PLAAT1: variants seen among roughly 807,000 people sequenced by gnomAD.
The protein encoded by PLAAT1 is H-REV107 protein-related protein.
PLAAT1 carries 13 observed loss-of-function variants against 16.4 expected under a neutral mutation model. The observed-to-expected ratio is 0.79, with a 90% confidence interval of 0.52 to 1.26. The LOEUF (loss-of-function observed/expected upper bound fraction) is 1.26, where lower values mean the gene tolerates loss of function less well. PLAAT1 is among the 50% of genes most tolerant of loss of function. The probability of loss-of-function intolerance (pLI) is 0.00; values close to 1 mark genes in which losing one functional copy is unlikely to be tolerated. For synonymous variants in PLAAT1, 73 were observed against 78.4 expected, an observed-to-expected ratio of 0.93 and a Z score of 0.36; for missense variants, 218 against 207.8, an observed-to-expected ratio of 1.05 and a Z score of -0.30.
intron 2 of PLAAT1, among the ~76,000 whole-genome samples, chr3:193,260,023 A>G (rs766918242): frequency 1.3e-5 from 2 of 152,216 alleles, no homozygotes; most frequent in African/African-American, 2.4e-5. Flanking sequence ...GACCAAGGGA[A>G]CAGAATAGAG....
Position 193,270,657 on chromosome 3 carries a change from C to T in PLAAT1, c.459C>T (p.Phe153=). 6.2e-7 allele frequency: 1 copy of T among 1,613,778 alleles called. No homozygotes were observed. Among genetic ancestry groups the T allele is most frequent in the South Asian group, 1.1e-5 (1 of 91,054 alleles). Residue 153 remains phenylalanine (F), a synonymous_variant, in exon 4 of 4, where the codon TTC becomes TTT. Transcript: ENST00000264735. Reference sequence around the variant, plus strand: ...TTGTGACAGCTGCTGTTGGTGTCTTCTCATTCCTGGGCTTGTTTCCAAAAG... The same window carrying T: ...TTGTGACAGCTGCTGTTGGTGTCTTTTCATTCCTGGGCTTGTTTCCAAAAG... ...VEFVTAAVGV[F]SFLGLFPKGQ...
Position 193,270,601 on chromosome 3 carries a change from T to G in PLAAT1, c.406-3T>G. 1 of 1,611,758 alleles carries G rather than the reference T, an allele frequency of 6.2e-7. No individual in the cohort carries two copies. The highest frequency in any genetic ancestry group is 8.5e-7 in the Non-Finnish European group (1 of 1,178,718). Reference sequence around the variant, plus strand: ...TTTTTGTTTACTTCTTGTTTCCTTATAGGCCAACCGAGCGATAAGTACCGT... The same window carrying G: ...TTTTTGTTTACTTCTTGTTTCCTTAGAGGCCAACCGAGCGATAAGTACCGT... On this transcript the variant is annotated splice_region_variant and splice_polypyrimidine_tract_variant and intron_variant, in intron 3 of 3. Coordinates refer to ENST00000264735, the MANE Select transcript of PLAAT1 (RefSeq NM_020386.5).
At chr3:193,272,041 G>T (rs986524321), downstream of PLAAT1, among the ~76,000 whole-genome samples, 1 of 152,086 alleles carries the variant, frequency 6.6e-6, no homozygotes, top group African/African-American at 2.4e-5. Context: ...TTCTGTGGGG[G>T]TGTGAGTGTC....
At chr3:193,274,108 G>T (rs1331762274), downstream of PLAAT1, among the ~76,000 whole-genome samples, 1 of 152,072 alleles carries the variant, frequency 6.6e-6, no homozygotes, top group African/African-American at 2.4e-5. Context: ...TCTGGGCATG[G>T]TAGCGGGTGC....
At chr3:193,270,547 G>T in intron 3 of PLAAT1, 57 bp from the exon 4 acceptor site, 2 of 1,527,680 alleles carry the variant, frequency 1.3e-6, no homozygotes, top group South Asian at 2.5e-5. Context: ...CTTCATTTAG[G>T]ACACAGATGT....
In PLAAT1 at chr3:193,270,797, T is replaced by C; in HGVS notation, c.*92T>C. The C allele has an allele frequency of 6.8e-7, 1 of 1,474,654 alleles. No individual in the cohort carries two copies. The highest frequency in any genetic ancestry group is 9.0e-7 in the Non-Finnish European group (1 of 1,109,452). The allele number at this position is 1,474,654 out of a possible 1,614,324, so 91.3% of individuals were successfully genotyped here. A position where few individuals can be genotyped will look rare whatever the true frequency, so the allele number is the denominator to read the frequency against. ...CTTATTTTCAGTGCATCATTACTGT[T>C]CCAGATTCCTATGATGGATGGCAGA... On this transcript the variant is annotated 3_prime_UTR_variant, in exon 4 of 4. Coordinates refer to ENST00000264735, the MANE Select transcript of PLAAT1 (RefSeq NM_020386.5).
downstream of PLAAT1, among the ~76,000 whole-genome samples, chr3:193,272,171 C>T (rs750943782): frequency 1.1e-4 from 17 of 152,204 alleles, no homozygotes; most frequent in Admixed American, 2.0e-4. Context: ...AGGCCAGGTG[C>T]GGTGGCTCAC....
downstream of PLAAT1, among the ~76,000 whole-genome samples, chr3:193,280,009 G>T (rs973546305): frequency 4.9e-4 from 38 of 77,566 alleles, no homozygotes; most frequent in Non-Finnish European, 8.4e-4. Context: ...AAAAAGCCCT[G>T]TGTACCTGTG....
intron 3 of PLAAT1, among the ~76,000 whole-genome samples, chr3:193,267,965 A>G (rs1385293519): frequency 6.6e-6 from 1 of 152,136 alleles, no homozygotes; most frequent in African/African-American, 2.4e-5. Flanking sequence ...CATCTTTTAT[A>G]TGCTTCTTTG....
chr3:193,268,859 A>G (rs989470885), intron 3 of PLAAT1, among the ~76,000 whole-genome samples: 4 of 152,172 alleles, frequency 2.6e-5, no homozygotes, highest in African/African-American at 9.6e-5. Flanking sequence ...ATACCTAGTC[A>G]GTTAGGTCTG....
chr3:193,275,763 CCA>C (rs1394837198), downstream of PLAAT1, among the ~76,000 whole-genome samples: 1 of 152,042 alleles, frequency 6.6e-6, no homozygotes, highest in East Asian at 1.9e-4. Context: ...GTTCACATGC[CCA>C]CACAGTTTTT....
intron 1 of PLAAT1, among the ~76,000 whole-genome samples, chr3:193,250,662 G>T (rs1392797336): frequency 6.6e-6 from 1 of 152,040 alleles, no homozygotes; most frequent in Non-Finnish European, 1.5e-5. Flanking sequence ...ACAAGCCAGA[G>T]GAAAAGGTGT....
intron 2 of PLAAT1, among the ~76,000 whole-genome samples, chr3:193,256,442 C>G (rs574583438): frequency 1.2e-4 from 18 of 151,964 alleles, no homozygotes; most frequent in East Asian, 5.8e-4. Context: ...ATATAGTATC[C>G]CAGGTCAAGG....
chr3:193,249,604 T>C (rs891077738), intron 1 of PLAAT1, among the ~76,000 whole-genome samples: 9 of 152,182 alleles, frequency 5.9e-5, no homozygotes, highest in Admixed American at 3.9e-4. Context: ...TCCCTTTCTC[T>C]CTTCCCTTTC....
intron 3 of PLAAT1, among the ~76,000 whole-genome samples, chr3:193,268,843 T>C (rs1716870397): frequency 6.6e-6 from 1 of 152,180 alleles, no homozygotes; most frequent in African/African-American, 2.4e-5. Context: ...TTCTAGTGGC[T>C]GAAAGATACC....
intron 3 of PLAAT1, among the ~76,000 whole-genome samples, chr3:193,266,046 G>T (rs1716766151): frequency 6.6e-6 from 1 of 152,126 alleles, no homozygotes; most frequent in African/African-American, 2.4e-5. Flanking sequence ...ACAACATAGG[G>T]CCTATGATTA....
chr3:193,275,421 T>C, downstream of PLAAT1: 1 of 1,148,132 alleles, frequency 8.7e-7, no homozygotes, highest in Non-Finnish European at 1.2e-6. Context: ...CTCATTGCTG[T>C]TGCATCTACC....
intron 2 of PLAAT1, among the ~76,000 whole-genome samples, chr3:193,260,685 C>CAA (rs71637105): frequency 1.5e-5 from 2 of 137,164 alleles, no homozygotes; most frequent in Middle Eastern, 3.7e-3. Context: ...ATTAAAAAGT[C>CAA]AAAAAAAAAA....
intron 2 of PLAAT1, chr3:193,276,726 G>T: frequency 6.6e-7 from 1 of 1,520,132 alleles, no homozygotes; most frequent in Non-Finnish European, 9.0e-7. Context: ...TATCTTCCTA[G>T]AAAAAATATA....
Sources: allele counts gnomAD v4.1 joint callset (sites outside exome capture counted in the v4.1 genomes callset), GRCh38; gene constraint gnomAD v4.1.1; transcripts MANE v1.5; gene names NCBI Gene and HGNC (gene_info 2026-07-23, HGNC 2026-07-21).